The following PXDNL variants were observed in gnomAD, a reference collection of about 807,000 sequenced individuals.
The protein encoded by PXDNL is probable oxidoreductase PXDNL.
A neutral mutation model predicts 150.8 loss-of-function variants in PXDNL; 145 were observed. That is an observed-to-expected ratio of 0.96 (90% CI 0.84 to 1.10). The LOEUF is 1.10. Ranked by LOEUF, PXDNL falls within the 50% of genes least tolerant of loss-of-function variation. PXDNL has a pLI of 0.00. For missense variants in PXDNL, 2,087 were observed against 1,873.9 expected, an observed-to-expected ratio of 1.11 and a Z score of -2.10; for synonymous variants, 757 against 725.7, an observed-to-expected ratio of 1.04 and a Z score of -0.69.
intron 10 of PXDNL, among the ~76,000 whole-genome samples, chr8:51,452,935 A>AACACATACACACACACACACACACAG (rs60146365): frequency 7.0e-6 from 1 of 142,566 alleles, no homozygotes; most frequent in African/African-American, 2.7e-5. Context: ...CACACACACA[A>AACACATACACACACACACACACACAG]ACACACACAC....
rs977500494 is a variant in PXDNL at position 51,330,922 on chromosome 8, T to A, written c.4146+8702A>T. Among the ~76,000 whole-genome samples the A allele has an allele frequency of 2.0e-5, 3 of 152,162 alleles. No individual in the cohort carries two copies. In the East Asian group the frequency reaches 5.8e-4, roughly 29 times the overall value. On this transcript the variant is annotated intron_variant, in intron 21 of 22. Transcript: ENST00000356297. ...CTGTGAACCTGAGAAACCAAACAAG[T>A]TATTTGCTTTCAGAATACAATGGAT...
chr8:51,447,204 C>A, intron 11 of PXDNL, 42 bp from the exon 12 acceptor site: 1 of 1,594,036 alleles, frequency 6.3e-7, no homozygotes, highest in Non-Finnish European at 8.6e-7. Flanking sequence ...TGGCCCAGAG[C>A]ACTGAAAGCC....
At chr8:51,724,455 T>C (rs566907516) in intron 1 of PXDNL, among the ~76,000 whole-genome samples, 18 of 152,176 alleles carry the variant, frequency 1.2e-4, no homozygotes, top group African/African-American at 3.9e-4. Flanking sequence ...ATATCTGTTA[T>C]GTAAATTAGC....
At chr8:51,697,467 ATG>A (rs1409620139) in intron 1 of PXDNL, among the ~76,000 whole-genome samples, 1 of 152,148 alleles carries the variant, frequency 6.6e-6, no homozygotes, top group African/African-American at 2.4e-5. Context: ...TTAAGGATGT[ATG>A]TCCAATGCCT....
Position 51,433,209 on chromosome 8 carries a change from AAATAAT to A in PXDNL, c.1526-6457_1526-6452del, listed in dbSNP as rs71237206. ...GGGTGACAGAGTAAGACTCTATCTC[AAATAAT>A]AATAATAATAATAATAATAATAATA... On this transcript the variant is annotated intron_variant, in intron 12 of 22. Transcript: ENST00000356297. Among the ~76,000 whole-genome samples, 758 of 144,142 alleles carry A rather than the reference AAATAAT, an allele frequency of 5.3e-3. 4 individuals are homozygous for A. The highest frequency in any genetic ancestry group is 0.021 in the Middle Eastern group (6 of 282). The allele number at this position is 144,142 out of a possible 152,430, so 94.6% of individuals were successfully genotyped here. A position where few individuals can be genotyped will look rare whatever the true frequency, so the allele number is the denominator to read the frequency against.
At position 51,482,748 on chromosome 8, in the gene PXDNL, C is replaced by A. The variant is rs541766107; in HGVS notation, c.524+895G>T. ...CTTGCCTGCCACCATGTAAGACATT[C>A]CTTTGCTCTCTCTTCATCTTCTGCC... On this transcript the variant is annotated intron_variant, in intron 6 of 22. Transcript: ENST00000356297. 1.1e-4 allele frequency among the ~76,000 whole-genome samples: 17 copies of A among 152,266 alleles called. No homozygotes were observed. The South Asian group carries it at 3.3e-3, about 30-fold the overall frequency.
intron 11 of PXDNL, 62 bp from the exon 12 acceptor site, chr8:51,447,224 G>T: frequency 6.5e-7 from 1 of 1,544,750 alleles, no homozygotes; most frequent in Non-Finnish European, 8.9e-7. Context: ...CAGAGCTGCT[G>T]GCTGTCCTGG....
At chr8:51,638,156 A>AT (rs1259072227) in intron 2 of PXDNL, among the ~76,000 whole-genome samples, 2 of 152,216 alleles carry the variant, frequency 1.3e-5, no homozygotes, top group African/African-American at 2.4e-5. Flanking sequence ...ATGCTGAGAG[A>AT]TTTTGTCACC....
chr8:51,446,690 T>C (rs1000041579), intron 12 of PXDNL, among the ~76,000 whole-genome samples: 2 of 152,168 alleles, frequency 1.3e-5, no homozygotes, highest in Admixed American at 6.5e-5. Context: ...GCCGAGAAGC[T>C]GCATTCTTTT....
chr8:51,725,537 G>A (rs866858786), intron 1 of PXDNL, among the ~76,000 whole-genome samples: 1 of 152,126 alleles, frequency 6.6e-6, no homozygotes, highest in Non-Finnish European at 1.5e-5. Flanking sequence ...CACATTCAGG[G>A]TCAGAGTGTT....
chr8:51,448,423 G>A (rs757085923), intron 11 of PXDNL, among the ~76,000 whole-genome samples: 14 of 152,204 alleles, frequency 9.2e-5, no homozygotes, highest in South Asian at 2.1e-4. Flanking sequence ...CTACACTTGC[G>A]GCCGGGCGCG....
At chr8:51,513,690 G>A (rs1182660638) in intron 4 of PXDNL, among the ~76,000 whole-genome samples, 1 of 152,326 alleles carries the variant, frequency 6.6e-6, no homozygotes, top group East Asian at 1.9e-4. Context: ...ATGCATGCAT[G>A]CCTTCCTCCT....
chr8:51,768,469 G>A (rs1415791119), intron 1 of PXDNL, among the ~76,000 whole-genome samples: 1 of 152,058 alleles, frequency 6.6e-6, no homozygotes, highest in Non-Finnish European at 1.5e-5. Flanking sequence ...ATTATAGGAA[G>A]TTAACTTCAT....
At chr8:51,403,289 A>G (rs1414753021) in intron 17 of PXDNL, among the ~76,000 whole-genome samples, 2 of 152,196 alleles carry the variant, frequency 1.3e-5, no homozygotes, top group African/African-American at 2.4e-5. Flanking sequence ...TGAAGGAGGC[A>G]GGATATTTGT....
intron 1 of PXDNL, among the ~76,000 whole-genome samples, chr8:51,760,897 C>G (rs1302429381): frequency 9.1e-6 from 1 of 110,384 alleles, no homozygotes; most frequent in East Asian, 3.0e-4. Context: ...CTCGCTCTGT[C>G]GCCCAGGCTG....
At chr8:51,701,873 C>A (rs1219192835) in intron 1 of PXDNL, among the ~76,000 whole-genome samples, 1 of 152,108 alleles carries the variant, frequency 6.6e-6, no homozygotes, top group Non-Finnish European at 1.5e-5. Flanking sequence ...GATGGGAAAT[C>A]TTGAAGCCAG....
At chr8:51,344,126 A>G (rs1806072584) in intron 20 of PXDNL, among the ~76,000 whole-genome samples, 1 of 152,054 alleles carries the variant, frequency 6.6e-6, no homozygotes, top group South Asian at 2.1e-4. Flanking sequence ...AGAGGTCTAT[A>G]GACAGTCTCG....
chr8:51,500,945 T>C (rs950137685), intron 4 of PXDNL, among the ~76,000 whole-genome samples: 1 of 152,244 alleles, frequency 6.6e-6, no homozygotes, highest in African/African-American at 2.4e-5. Context: ...ACTTCATTCC[T>C]AGGCTTCCTT....
At chr8:51,626,737 C>T (rs1188968034) in intron 2 of PXDNL, among the ~76,000 whole-genome samples, 1 of 152,098 alleles carries the variant, frequency 6.6e-6, no homozygotes, top group Non-Finnish European at 1.5e-5. Flanking sequence ...TCTATTTTGA[C>T]AAATATTTAA....
Sources: gnomAD v4.1 joint callset for allele counts (sites outside exome capture counted in the v4.1 genomes callset) on GRCh38, gnomAD v4.1.1 for gene constraint, MANE v1.5 for transcripts, NCBI Gene and HGNC (gene_info 2026-07-23, HGNC 2026-07-21) for gene names.